LTO1: variants seen among roughly 807,000 people sequenced by gnomAD.
LTO1 encodes LTO1 maturation factor of ABCE1.
LTO1 carries 18 observed loss-of-function variants against 19.8 expected under a neutral mutation model. That is an observed-to-expected ratio of 0.91 (90% CI 0.63 to 1.35). The LOEUF is 1.35. Among genes scored for constraint, LTO1 ranks in the 40% most tolerant of loss-of-function variants. LTO1 has a pLI of 0.00. For missense variants in LTO1, 175 were observed against 167.9 expected (o/e 1.04, Z -0.23); for synonymous variants, 59 against 59.6 (o/e 0.99, Z 0.05).
intron 3 of LTO1, 155 bp from the exon 4 acceptor site, chr11:69,668,167 T>A: frequency 3.2e-6 from 2 of 632,750 alleles, no homozygotes; most frequent in Non-Finnish European, 5.7e-6. Flanking sequence ...CACGAAATCA[T>A]ATTTATTTAC....
intron 3 of LTO1, among the ~76,000 whole-genome samples, chr11:69,670,940 G>A (rs982225307): frequency 6.6e-6 from 1 of 152,132 alleles, no homozygotes; most frequent in Non-Finnish European, 1.5e-5. Flanking sequence ...TTGCTCTGTC[G>A]CCCAGGCTGG....
At chr11:69,668,254 G>A (rs942556649) in intron 3 of LTO1, 21 of 427,866 alleles carry the variant, frequency 4.9e-5, no homozygotes, top group Admixed American at 1.5e-4. Context: ...CCTCCATTCC[G>A]ACCACGGGGC....
rs1856046965 is a variant in LTO1, at chr11:69,667,367, C to G, written c.*152G>C. 1 of 634,074 alleles carries G rather than the reference C, an allele frequency of 1.6e-6. No individual in the cohort carries two copies. Among genetic ancestry groups the G allele is most frequent in the Non-Finnish European group, 2.8e-6 (1 of 353,444 alleles). The allele number at this position is 634,074 out of a possible 1,614,324, so 39.3% of individuals were successfully genotyped here. A position where few individuals can be genotyped will look rare whatever the true frequency, so the allele number is the denominator to read the frequency against. On this transcript the variant is annotated 3_prime_UTR_variant, in exon 5 of 5. Transcript: ENST00000279147. ...CCAAGGTGACACAGGCAGAAAACCC[C>G]AGGGAAGGAAGCCCTCCCACGGCCG...
chr11:69,672,041 A>G (rs1280011276), intron 2 of LTO1: 8 of 529,678 alleles, frequency 1.5e-5, no homozygotes, highest in Non-Finnish European at 2.1e-5. Flanking sequence ...CCTGGTACCC[A>G]TGCCCTGTGC....
At chr11:69,671,542 T>C (rs1454204873) in intron 3 of LTO1, 3 of 534,476 alleles carry the variant, frequency 5.6e-6, no homozygotes, top group Non-Finnish European at 1.0e-5. Flanking sequence ...CAACAGCCAG[T>C]GTTCACCAAA....
intron 2 of LTO1, 69 bp downstream of exon 2, chr11:69,673,147 C>A (rs1385579056): frequency 2.1e-6 from 2 of 933,130 alleles, no homozygotes; most frequent in Non-Finnish European, 3.6e-6. Flanking sequence ...CTCCATCACA[C>A]TGAATATCGA....
intron 1 of LTO1, chr11:69,674,506 T>G (rs1856158761): frequency 9.0e-6 from 3 of 335,164 alleles, no homozygotes; most frequent in Admixed American, 8.0e-5. Context: ...AAAGTGACTG[T>G]GCCTCCTAGT....
intron 2 of LTO1, chr11:69,672,694 T>A (rs1021656707): frequency 6.9e-5 from 14 of 203,680 alleles, no homozygotes; most frequent in Non-Finnish European, 1.4e-4. Flanking sequence ...GCATGCATAA[T>A]TTAATTGTAT....
chr11:69,669,548 G>A (rs769155088), intron 3 of LTO1, among the ~76,000 whole-genome samples: 14 of 152,220 alleles, frequency 9.2e-5, no homozygotes, highest in Non-Finnish European at 1.8e-4. Flanking sequence ...CCAAAACGTG[G>A]GAGGTGGCTG....
rs370978793 is a variant in LTO1 at position 69,667,999 on chromosome 11, C to A, written c.241G>T (p.Val81Phe). 1 of 1,529,478 alleles carries A rather than the reference C, an allele frequency of 6.5e-7. No individual in the cohort carries two copies. Among genetic ancestry groups the A allele is most frequent in the East Asian group, 2.2e-5 (1 of 44,492 alleles). 94.7% of individuals were successfully genotyped at this position (1,529,478 alleles called of 1,614,324 possible). ...ATCATTCCAATCAATGATTCTAAGA[C>A]CTTCATCTTTCTGCTGTAAAGCACA... Reference protein sequence around the residue: ...TTEKDSRKMKVLESLIGMIQK... With the variant: ...TTEKDSRKMKFLESLIGMIQK... Residue 81 changes from valine to phenylalanine, a missense_variant, in exon 4 of 5, where the codon GTC (valine) becomes TTC (phenylalanine). Physicochemically the swap from Val to Phe is conservative, Grantham distance 50. Transcript: ENST00000279147.
chr11:69,667,660 C>T, intron 4 of LTO1, 73 bp from the exon 5 acceptor site: 4 of 1,068,956 alleles, frequency 3.7e-6, no homozygotes, highest in Non-Finnish European at 5.8e-6. Context: ...AACTCTATCT[C>T]TAGCTATAGC....
At chr11:69,674,693 C>A in intron 1 of LTO1, 1 of 453,308 alleles carries the variant, frequency 2.2e-6, no homozygotes, top group South Asian at 1.6e-5. Flanking sequence ...TCCTCTGGGC[C>A]GGGCACTGGA....
chr11:69,675,113 C>T (rs1856170943), intron 1 of LTO1, 77 bp downstream of exon 1: 1 of 1,375,240 alleles, frequency 7.3e-7, no homozygotes, highest in Non-Finnish European at 1.0e-6. Context: ...CAGCAGCCGC[C>T]CTGGGCCGCA....
chr11:69,666,017 T>G lies in LTO1; in HGVS notation c.*1502A>C, dbSNP rs1856027377. On this transcript the variant is annotated 3_prime_UTR_variant, in exon 5 of 5. Coordinates refer to ENST00000279147, the MANE Select transcript of LTO1 (RefSeq NM_153451.3). The stretch of plus-strand genomic sequence containing the variant: ...TAAAAATACAAAAGTTACTTGGGCG[T>G]GGTGGGGGGCGCCTATAATCCCAGC... 6.6e-6 allele frequency: 1 copy of G among 151,938 alleles called. No homozygotes were observed. The highest frequency in any genetic ancestry group is 2.4e-5 in the African/African-American group (1 of 41,346). The allele number at this position is 151,938 out of a possible 1,614,324, so 9.4% of individuals were successfully genotyped here. A position where few individuals can be genotyped will look rare whatever the true frequency, so the allele number is the denominator to read the frequency against.
intron 3 of LTO1, among the ~76,000 whole-genome samples, chr11:69,668,675 GTT>G (rs60405881): frequency 5.3e-4 from 78 of 147,068 alleles, no homozygotes; most frequent in South Asian, 6.4e-4. Flanking sequence ...TTTCTGTTTT[GTT>G]TTTTTTTTTT....
intron 4 of LTO1, 85 bp from the exon 5 acceptor site, chr11:69,667,672 T>C (rs1237405347): frequency 9.9e-7 from 1 of 1,014,856 alleles, no homozygotes; most frequent in African/African-American, 1.6e-5. Context: ...AGCTATAGCT[T>C]TTCCTGTCTA....
At chr11:69,674,970 G>C (rs1481164249) in intron 1 of LTO1, 2 of 693,864 alleles carry the variant, frequency 2.9e-6, no homozygotes, top group Non-Finnish European at 5.3e-6. Context: ...AGGCGGGTCT[G>C]GAAGAGCAGC....
rs759989062 is a variant in LTO1, at chr11:69,667,580, G to A, written c.353C>T (p.Ser118Leu). ...KIRGKFKQFC[S>L]LLNVQPDFKI... Reference sequence around the variant, plus strand: ...AAAGTCTGGCTGAACATTGAGTAACGAACAAAACTGAAAACACAAAAGAGA... The same window carrying A: ...AAAGTCTGGCTGAACATTGAGTAACAAACAAAACTGAAAACACAAAAGAGA... Residue 118 changes from serine to leucine, a missense_variant, in exon 5 of 5, where the codon TCG (serine) becomes TTG (leucine). Transcript: ENST00000279147. 63 of 1,603,426 alleles carry A rather than the reference G, an allele frequency of 3.9e-5. No individual in the cohort carries two copies. The Admixed American group carries it at 5.2e-4, about 13-fold the overall frequency.
rs893570175 is a variant in LTO1, at chr11:69,666,430, G to T, written c.*1089C>A. 6.6e-6 allele frequency: 1 copy of T among 152,400 alleles called. No homozygotes were observed. Among genetic ancestry groups the T allele is most frequent in the African/African-American group, 2.4e-5 (1 of 41,454 alleles). The allele number at this position is 152,400 out of a possible 1,614,324, so 9.4% of individuals were successfully genotyped here. On this transcript the variant is annotated 3_prime_UTR_variant, in exon 5 of 5. Coordinates refer to ENST00000279147, the MANE Select transcript of LTO1 (RefSeq NM_153451.3). ...TGACCCTGGGGGGGTACACAGGAGG[G>T]TGTGTGAACACGTGCCATCACATAT...
Sources: allele counts gnomAD v4.1 joint callset (sites outside exome capture counted in the v4.1 genomes callset), GRCh38; gene constraint gnomAD v4.1.1; transcripts MANE v1.5; gene names NCBI Gene and HGNC (gene_info 2026-07-23, HGNC 2026-07-21).